The following ZZZ3 variants were observed in gnomAD, a reference collection of about 807,000 sequenced individuals.
ZZZ3 encodes ZZ-type zinc finger-containing protein 3.
A neutral mutation model predicts 95.2 loss-of-function variants in ZZZ3; 22 were observed. That is an observed-to-expected ratio of 0.23 (90% confidence interval 0.17 to 0.33). The LOEUF (loss-of-function observed/expected upper bound fraction) is 0.33. Ranked by LOEUF, ZZZ3 falls within the 10% of genes least tolerant of loss-of-function variation. The pLI, the probability that ZZZ3 is intolerant of heterozygous loss-of-function variation, is 1.00. For synonymous variants in ZZZ3, 335 were observed against 358.9 expected, an observed-to-expected ratio of 0.93 and a Z score of 0.75; for missense variants, 885 against 1,066.5, an observed-to-expected ratio of 0.83 and a Z score of 2.37.
chr1:77,630,187 G>A (rs1667670201), intron 5 of ZZZ3, among the ~76,000 whole-genome samples: 5 of 152,076 alleles, frequency 3.3e-5, no homozygotes. Context: ...TTTAAAAACT[G>A]ATACTAGGCC....
chr1:77,610,108 AAAAG>A (rs1665639280), intron 5 of ZZZ3, among the ~76,000 whole-genome samples: 1 of 149,770 alleles, frequency 6.7e-6, no homozygotes, highest in African/African-American at 2.4e-5. Context: ...GACTTAAAAA[AAAAG>A]AGCACTCCAA....
intron 11 of ZZZ3, among the ~76,000 whole-genome samples, chr1:77,577,516 T>TAAA (rs924198309): frequency 1.3e-5 from 2 of 152,084 alleles, no homozygotes; most frequent in Non-Finnish European, 2.9e-5. Flanking sequence ...AAAGCTCGGT[T>TAAA]AAAAAAAATT....
At chr1:77,585,749 C>T (rs554255766) in intron 5 of ZZZ3, among the ~76,000 whole-genome samples, 7 of 152,176 alleles carry the variant, frequency 4.6e-5, no homozygotes, top group African/African-American at 1.2e-4. Context: ...AGATATTCTG[C>T]GAATCTTTTA....
At chr1:77,572,801 T>A (rs1352278747) in intron 12 of ZZZ3, among the ~76,000 whole-genome samples, 1 of 151,700 alleles carries the variant, frequency 6.6e-6, no homozygotes, top group African/African-American at 2.4e-5. Flanking sequence ...CATGCCAGGC[T>A]GATAATTTTT....
rs181167670 is a variant in ZZZ3 at position 77,635,778 on chromosome 1, T to G, written c.-51-2373A>C. Among the ~76,000 whole-genome samples the G allele has an allele frequency of 2.6e-3, 397 of 152,172 alleles. 3 individuals are homozygous for G. Among genetic ancestry groups the G allele is most frequent in the Non-Finnish European group, 3.4e-3 (231 of 67,990 alleles). ...AAAACTAGTAGGGCATGGTGGCACA[T>G]GCCTGTAATCCCAGCTACTCGGGAG... is the stretch of plus-strand genomic sequence containing the variant. On this transcript the variant is annotated intron_variant, in intron 4 of 14. Coordinates refer to ENST00000370801, the MANE Select transcript of ZZZ3 (RefSeq NM_015534.6).
chr1:77,679,759 G>T (rs1052085041), intron 1 of ZZZ3, among the ~76,000 whole-genome samples: 1 of 152,170 alleles, frequency 6.6e-6, no homozygotes, highest in African/African-American at 2.4e-5. Context: ...TGAGAAAAGT[G>T]AAAATTAAAT....
intron 1 of ZZZ3, among the ~76,000 whole-genome samples, chr1:77,677,984 T>C (rs905451689): frequency 6.6e-6 from 1 of 152,106 alleles, no homozygotes; most frequent in Non-Finnish European, 1.5e-5. Context: ...ACTTTACCAC[T>C]AATGGAAGCA....
chr1:77,635,465 A>G (rs982699541), intron 4 of ZZZ3, among the ~76,000 whole-genome samples: 3 of 152,238 alleles, frequency 2.0e-5, no homozygotes, highest in Non-Finnish European at 4.4e-5. Context: ...TCATTAAAAG[A>G]ACAGCTGACA....
intron 5 of ZZZ3, among the ~76,000 whole-genome samples, chr1:77,585,533 A>C (rs1662998882): frequency 1.3e-5 from 2 of 152,220 alleles, no homozygotes; most frequent in African/African-American, 4.8e-5. Flanking sequence ...AAGTCACTCC[A>C]AGTTCACTTT....
intron 8 of ZZZ3, among the ~76,000 whole-genome samples, chr1:77,581,465 C>T (rs1461465916): frequency 2.0e-5 from 3 of 152,216 alleles, no homozygotes; most frequent in South Asian, 2.1e-4. Context: ...TACTATGTGT[C>T]GGATACTGTA....
chr1:77,630,905 A>G (rs1243705392), intron 5 of ZZZ3, among the ~76,000 whole-genome samples: 2 of 152,226 alleles, frequency 1.3e-5, no homozygotes, highest in Non-Finnish European at 1.5e-5. Context: ...AAATCAAAGT[A>G]TTTATGTACA....
At chr1:77,624,496 C>T (rs1461364755) in intron 5 of ZZZ3, among the ~76,000 whole-genome samples, 1 of 150,574 alleles carries the variant, frequency 6.6e-6, no homozygotes, top group African/African-American at 2.4e-5. Flanking sequence ...CCCTAAAAGA[C>T]AAAGTTTAGA....
intron 11 of ZZZ3, among the ~76,000 whole-genome samples, chr1:77,576,790 A>T (rs890036189): frequency 6.0e-5 from 9 of 150,964 alleles, no homozygotes; most frequent in African/African-American, 2.2e-4. Flanking sequence ...CAAAAAAAAA[A>T]TTTCTTGTAA....
At chr1:77,595,233 G>T (rs1277296029) in intron 5 of ZZZ3, among the ~76,000 whole-genome samples, 1 of 151,998 alleles carries the variant, frequency 6.6e-6, no homozygotes, top group Non-Finnish European at 1.5e-5. Context: ...AAAATTCTTA[G>T]TGAATTCCTA....
intron 1 of ZZZ3, among the ~76,000 whole-genome samples, chr1:77,674,951 CAAAA>C (rs538347422): frequency 4.1e-5 from 3 of 73,598 alleles, no homozygotes; most frequent in East Asian, 4.6e-4. Context: ...GACTCGGTCT[CAAAA>C]AAAAAAAAAA....
intron 1 of ZZZ3, among the ~76,000 whole-genome samples, chr1:77,681,983 T>C (rs886084144): frequency 4.0e-5 from 6 of 151,054 alleles, no homozygotes; most frequent in Non-Finnish European, 8.8e-5. Flanking sequence ...ACTTCAAAGA[T>C]GGCAACCTCA....
chr1:77,586,285 C>T (rs192473311), intron 5 of ZZZ3, among the ~76,000 whole-genome samples: 1 of 152,160 alleles, frequency 6.6e-6, no homozygotes, highest in Admixed American at 6.5e-5. Flanking sequence ...CTGAATACAA[C>T]CAAAGACTTA....
At chr1:77,621,897 A>C (rs1260520578) in intron 5 of ZZZ3, among the ~76,000 whole-genome samples, 1 of 152,136 alleles carries the variant, frequency 6.6e-6, no homozygotes, top group Non-Finnish European at 1.5e-5. Flanking sequence ...GACATCTTAC[A>C]CTTTTTCAAT....
At chr1:77,589,886 T>C (rs1415794667) in intron 5 of ZZZ3, among the ~76,000 whole-genome samples, 1 of 152,150 alleles carries the variant, frequency 6.6e-6, no homozygotes. Flanking sequence ...GGAAAGATTT[T>C]ATATTCAACT....
Sources: gnomAD v4.1 joint callset for allele counts (sites outside exome capture counted in the v4.1 genomes callset) on GRCh38, gnomAD v4.1.1 for gene constraint, MANE v1.5 for transcripts, NCBI Gene and HGNC (gene_info 2026-07-23, HGNC 2026-07-21) for gene names.